Variants in DIAPH2 observed in about 807,000 individuals in gnomAD.
DIAPH2 encodes the protein protein diaphanous homolog 2.
In DIAPH2, 35 loss-of-function variants were observed where a neutral mutation model predicts 92.7. That is an observed-to-expected ratio of 0.38 (90% confidence interval 0.29 to 0.50). The LOEUF is 0.50. DIAPH2 is among the 20% of genes least tolerant of loss of function. DIAPH2 has a pLI of 0.94. For synonymous variants in DIAPH2, 301 were observed against 280.4 expected (o/e 1.07, Z -0.73); for missense variants, 701 against 819.5 (o/e 0.86, Z 1.77).
chrX:97,269,634 G>A (rs1212934857), intron 23 of DIAPH2, among the ~76,000 whole-genome samples: 1 of 111,784 alleles, frequency 8.9e-6, no homozygotes, highest in African/African-American at 3.3e-5. Flanking sequence ...GAAGCATACT[G>A]GGTCAGTTAA....
intron 20 of DIAPH2, among the ~76,000 whole-genome samples, chrX:97,101,558 A>G (rs900622353): frequency 1.8e-5 from 2 of 111,740 alleles, no homozygotes; most frequent in Non-Finnish European, 3.8e-5. Context: ...ACTAGTTTAC[A>G]CTATGTAAAT....
chrX:97,538,407 A>G (rs1277069554), intron 26 of DIAPH2, among the ~76,000 whole-genome samples: 1 of 111,272 alleles, frequency 9.0e-6, no homozygotes, highest in Non-Finnish European at 1.9e-5. Flanking sequence ...AAAATCTAGA[A>G]TTTTCTCCAT....
At chrX:97,515,734 G>C (rs769227602) in intron 26 of DIAPH2, among the ~76,000 whole-genome samples, 1 of 110,720 alleles carries the variant, frequency 9.0e-6, no homozygotes, top group Non-Finnish European at 1.9e-5. Context: ...GGGGTTTGGG[G>C]GTACCTCTGG....
intron 26 of DIAPH2, among the ~76,000 whole-genome samples, chrX:97,545,534 ATATAT>A (rs1307807783): frequency 0.013 from 996 of 77,047 alleles, 8 homozygotes; most frequent in Middle Eastern, 0.038. Context: ...AAAAAAAAAA[ATATAT>A]ATATATATAT....
At chrX:97,588,143 G>A (rs914541971) in intron 26 of DIAPH2, among the ~76,000 whole-genome samples, 2 of 112,219 alleles carry the variant, frequency 1.8e-5, no homozygotes, top group Admixed American at 9.5e-5. Flanking sequence ...ATACTCTTCA[G>A]TGTAAGTACC....
intron 20 of DIAPH2, among the ~76,000 whole-genome samples, chrX:97,104,918 C>T (rs2066928972): frequency 8.9e-6 from 1 of 112,005 alleles, no homozygotes; most frequent in South Asian, 3.8e-4. Context: ...AGGCAGATCG[C>T]TTGAGCCCAG....
intron 1 of DIAPH2, 45 bp downstream of exon 1, chrX:96,685,235 C>A: frequency 2.0e-6 from 2 of 976,267 alleles, no homozygotes. Flanking sequence ...ACAGGGAGAG[C>A]CCCGGGATCC....
chrX:97,263,214 A>T (rs1253824538), intron 23 of DIAPH2, among the ~76,000 whole-genome samples: 1 of 111,902 alleles, frequency 8.9e-6, no homozygotes, highest in Non-Finnish European at 1.9e-5. Context: ...ATCAATCAAA[A>T]TGTCCCTATT....
At chrX:97,287,502 G>A (rs1421242487) in intron 23 of DIAPH2, among the ~76,000 whole-genome samples, 1 of 110,048 alleles carries the variant, frequency 9.1e-6, no homozygotes, top group African/African-American at 3.3e-5. Flanking sequence ...TTTTATACCT[G>A]GAATGCTTTA....
At chrX:97,461,264 A>C (rs1237427051) in intron 26 of DIAPH2, among the ~76,000 whole-genome samples, 1 of 105,306 alleles carries the variant, frequency 9.5e-6, no homozygotes, top group African/African-American at 3.5e-5. Flanking sequence ...AAATATCATT[A>C]TGGCTATTGT....
In DIAPH2 at chrX:97,027,416, A is replaced by G. The variant is rs887642055; in HGVS notation, c.2051-45525A>G. Among the ~76,000 whole-genome samples the G allele has an allele frequency of 7.1e-5, 8 of 112,376 alleles. No individual in the cohort carries two copies. In the East Asian group the frequency reaches 2.0e-3, roughly 27 times the overall value. The stretch of plus-strand genomic sequence containing the variant: ...TACAACTGTAAGCACCAACAGCCAA[A>G]AGATTGTTTGCAATAAAGACCTTAT... On this transcript the variant is annotated intron_variant, in intron 17 of 26. Coordinates refer to ENST00000324765, the MANE Select transcript of DIAPH2 (RefSeq NM_006729.5).
intron 26 of DIAPH2, among the ~76,000 whole-genome samples, chrX:97,531,759 C>T (rs1166252165): frequency 8.9e-6 from 1 of 111,902 alleles, no homozygotes; most frequent in Non-Finnish European, 1.9e-5. Flanking sequence ...ATTAGTCCAT[C>T]ACCATTTGGA....
chrX:96,940,247 T>A (rs889798134), intron 12 of DIAPH2, among the ~76,000 whole-genome samples: 1 of 112,196 alleles, frequency 8.9e-6, no homozygotes, highest in Non-Finnish European at 1.9e-5. Context: ...GATCTTAACA[T>A]CTAAGAAAAT....
At chrX:96,972,800 T>A in intron 17 of DIAPH2, among the ~76,000 whole-genome samples, 1 of 111,250 alleles carries the variant, frequency 9.0e-6, no homozygotes, top group Non-Finnish European at 1.9e-5. Flanking sequence ...GCATTCTAGC[T>A]AGAGAATACC....
Position 97,141,648 on chromosome X carries a change from T to A in DIAPH2, c.2590-17T>A, listed in dbSNP as rs1304163047. 5 of 1,175,073 alleles carry A rather than the reference T, an allele frequency of 4.3e-6. No homozygotes were observed. In the East Asian group the frequency reaches 1.2e-4, roughly 28 times the overall value. ...TACTAAAAAATTACTAAAAAATGTG[T>A]TGTTGTTTTCTCCCAGATCAGAGAT... On this transcript the variant is annotated splice_polypyrimidine_tract_variant and intron_variant, in intron 21 of 26. Transcript: ENST00000324765.
intron 23 of DIAPH2, among the ~76,000 whole-genome samples, chrX:97,321,743 G>A (rs915806055): frequency 1.3e-4 from 14 of 109,202 alleles, no homozygotes; most frequent in Non-Finnish European, 2.3e-4. Flanking sequence ...TAGAGACGGG[G>A]TTTCACCATG....
At chrX:96,998,327 G>A (rs1302419497) in intron 17 of DIAPH2, among the ~76,000 whole-genome samples, 2 of 111,004 alleles carry the variant, frequency 1.8e-5, no homozygotes, top group African/African-American at 6.5e-5. Flanking sequence ...CATATTTTCT[G>A]TCATAGTTTA....
In DIAPH2 at chrX:97,210,688, G is replaced by C. The variant is rs751464332; in HGVS notation, c.2720-37027G>C. The stretch of plus-strand genomic sequence containing the variant: ...CATGATTGAGACCGGGAGCTACTGA[G>C]GTTCAACAGTTTCTATTCCACAGAG... On this transcript the variant is annotated intron_variant, in intron 22 of 26. Coordinates refer to ENST00000324765, the MANE Select transcript of DIAPH2 (RefSeq NM_006729.5). 1.6e-4 allele frequency among the ~76,000 whole-genome samples: 18 copies of C among 111,677 alleles called. No homozygotes were observed. The South Asian group carries it at 6.7e-3, about 42-fold the overall frequency.
intron 23 of DIAPH2, among the ~76,000 whole-genome samples, chrX:97,248,066 T>A (rs1602448125): frequency 8.9e-6 from 1 of 112,154 alleles, no homozygotes; most frequent in East Asian, 2.8e-4. Flanking sequence ...CAAAGAAGAA[T>A]TCCATTTGAA....
Sources: allele counts gnomAD v4.1 joint callset (sites outside exome capture counted in the v4.1 genomes callset), GRCh38; gene constraint gnomAD v4.1.1; transcripts MANE v1.5; gene names NCBI Gene and HGNC (gene_info 2026-07-23, HGNC 2026-07-21).